Variants in FAM184B observed in about 807,000 individuals in gnomAD.
The protein encoded by FAM184B is protein FAM184B.
A neutral mutation model predicts 135.9 loss-of-function variants in FAM184B; 111 were observed. The ratio of observed to expected loss-of-function variants is 0.82; its 90% confidence interval spans 0.70 to 0.96. FAM184B has a LOEUF of 0.96. Among genes scored for constraint, FAM184B ranks in the 40% least tolerant of loss-of-function variants. FAM184B has a pLI of 0.00. For missense variants in FAM184B, 1,375 were observed against 1,323.9 expected (o/e 1.04, Z -0.60); for synonymous variants, 552 against 524.8 (o/e 1.05, Z -0.71).
At chr4:17,754,230 T>C (rs1419519490) in intron 1 of FAM184B, among the ~76,000 whole-genome samples, 1 of 151,546 alleles carries the variant, frequency 6.6e-6, no homozygotes, top group Non-Finnish European at 1.5e-5. Flanking sequence ...TATACACCCG[T>C]GCACACATTT....
At chr4:17,755,678 A>G (rs1051978191) in intron 1 of FAM184B, among the ~76,000 whole-genome samples, 7 of 152,348 alleles carry the variant, frequency 4.6e-5, no homozygotes, top group Admixed American at 4.6e-4. Context: ...TCAATGATAG[A>G]TTGGATAAAG....
intron 1 of FAM184B, among the ~76,000 whole-genome samples, chr4:17,719,252 G>A (rs763232889): frequency 6.6e-6 from 1 of 152,116 alleles, no homozygotes; most frequent in Non-Finnish European, 1.5e-5. Context: ...TCTGATAATC[G>A]AGACAGCTAC....
intron 1 of FAM184B, among the ~76,000 whole-genome samples, chr4:17,728,378 C>A (rs188539836): frequency 6.6e-6 from 1 of 152,154 alleles, no homozygotes; most frequent in Non-Finnish European, 1.5e-5. Context: ...CAGAGCGAGA[C>A]CCTGTCTCTT....
chr4:17,690,846 A>G (rs1460457371), intron 6 of FAM184B, among the ~76,000 whole-genome samples: 1 of 152,146 alleles, frequency 6.6e-6, no homozygotes, highest in Admixed American at 6.5e-5. Flanking sequence ...ACAGGACTTG[A>G]CAAGGATCGG....
At chr4:17,679,544 AAG>A (rs1345284205) in intron 7 of FAM184B, among the ~76,000 whole-genome samples, 8 of 152,208 alleles carry the variant, frequency 5.3e-5, no homozygotes, top group African/African-American at 1.4e-4. Flanking sequence ...ATGTCGTGAA[AAG>A]AGAACATTTT....
At chr4:17,748,579 T>TG (rs1718227979) in intron 1 of FAM184B, among the ~76,000 whole-genome samples, 1 of 129,550 alleles carries the variant, frequency 7.7e-6, no homozygotes, top group South Asian at 2.4e-4. Context: ...AGTGTAGTGG[T>TG]GATCTCGGCC....
chr4:17,642,281 G>C (rs1010258693), intron 12 of FAM184B, 53 bp from the exon 13 acceptor site: 53 of 1,421,926 alleles, frequency 3.7e-5, no homozygotes, highest in Admixed American at 1.2e-4. Context: ...GGCAGACAAG[G>C]CAGAAAGGGC....
intron 7 of FAM184B, among the ~76,000 whole-genome samples, chr4:17,683,910 T>C (rs1716505751): frequency 6.6e-6 from 1 of 151,526 alleles, no homozygotes; most frequent in Non-Finnish European, 1.5e-5. Context: ...GGCTCGTCTC[T>C]ACAAAAAATT....
At chr4:17,747,499 A>G (rs1718192513) in intron 1 of FAM184B, among the ~76,000 whole-genome samples, 1 of 152,168 alleles carries the variant, frequency 6.6e-6, no homozygotes, top group African/African-American at 2.4e-5. Flanking sequence ...GTAAACAAAA[A>G]GATAAGAAAG....
At chr4:17,679,010 C>A (rs1716380385) in intron 7 of FAM184B, among the ~76,000 whole-genome samples, 1 of 152,182 alleles carries the variant, frequency 6.6e-6, no homozygotes, top group Non-Finnish European at 1.5e-5. Flanking sequence ...TAATCTCTCA[C>A]CTTATACAAA....
chr4:17,709,917 G>A (rs1274293641), intron 1 of FAM184B, among the ~76,000 whole-genome samples: 2 of 152,190 alleles, frequency 1.3e-5, no homozygotes, highest in African/African-American at 4.8e-5. Context: ...TTCCGAAGGG[G>A]ACCTCTGTAG....
chr4:17,651,421 C>A (rs1187592551), intron 11 of FAM184B, among the ~76,000 whole-genome samples: 3 of 151,352 alleles, frequency 2.0e-5, no homozygotes, highest in Non-Finnish European at 4.4e-5. Flanking sequence ...GCCTGTAGTC[C>A]CAGCTACTCG....
At chr4:17,667,346 C>T (rs1043276349) in intron 7 of FAM184B, among the ~76,000 whole-genome samples, 12 of 152,156 alleles carry the variant, frequency 7.9e-5, no homozygotes, top group African/African-American at 2.9e-4. Context: ...TGGAGGGTGG[C>T]GTGTGGAGAC....
rs147815384 is a variant in FAM184B at position 17,738,386 on chromosome 4, C to G, written c.142-28742G>C. The stretch of plus-strand genomic sequence containing the variant: ...GTTAAAGATATCTGCCTAACAGCAA[C>G]AAATATCCAGATTATGTATCATCAT... On this transcript the variant is annotated intron_variant, in intron 1 of 17. Transcript: ENST00000265018. 6.1e-3 allele frequency among the ~76,000 whole-genome samples: 932 copies of G among 152,118 alleles called. 6 individuals are homozygous for G. Among genetic ancestry groups the G allele is most frequent in the Non-Finnish European group, 9.7e-3 (659 of 68,020 alleles).
chr4:17,779,944 A>G (rs2109001245), intron 1 of FAM184B, among the ~76,000 whole-genome samples: 1 of 152,322 alleles, frequency 6.6e-6, no homozygotes. Flanking sequence ...TGATGTCACT[A>G]TTTACATGAA....
At chr4:17,634,019 TACATGCTATTTTTTA>T in intron 16 of FAM184B, 131 bp from the exon 17 acceptor site, 1 of 621,418 alleles carries the variant, frequency 1.6e-6, no homozygotes, top group Middle Eastern at 4.7e-4. Context: ...TTTATACACT[TACATGCTATTTTTTA>T]AAGCACTTTT....
intron 10 of FAM184B, among the ~76,000 whole-genome samples, chr4:17,657,760 A>C (rs1411590453): frequency 6.6e-6 from 1 of 150,500 alleles, no homozygotes; most frequent in Non-Finnish European, 1.5e-5. Context: ...AGGTTCAAGC[A>C]ATTTTCCTGC....
intron 6 of FAM184B, 57 bp from the exon 7 acceptor site, chr4:17,688,588 C>G (rs1389037843): frequency 6.3e-6 from 8 of 1,264,758 alleles, no homozygotes; most frequent in Middle Eastern, 1.9e-4. Flanking sequence ...CTCCTCGATA[C>G]AGTCATTCAT....
At chr4:17,748,505 ATTTTTTTTTTTTTTT>A (rs34998803) in intron 1 of FAM184B, among the ~76,000 whole-genome samples, 25 of 98,578 alleles carry the variant, frequency 2.5e-4, no homozygotes, top group Non-Finnish European at 3.4e-4. Flanking sequence ...CTCTTGTGTA[ATTTTTTTTTTTTTTT>A]TTTTTTTTTT....
Sources: gnomAD v4.1 joint callset for allele counts (sites outside exome capture counted in the v4.1 genomes callset) on GRCh38, gnomAD v4.1.1 for gene constraint, MANE v1.5 for transcripts, NCBI Gene and HGNC (gene_info 2026-07-23, HGNC 2026-07-21) for gene names.